SNX4: variants seen among roughly 807,000 people sequenced by gnomAD.
The protein encoded by SNX4 is sorting nexin-4.
In SNX4, 49 loss-of-function variants were observed where a neutral mutation model predicts 70.8. The observed-to-expected ratio is 0.69, with a 90% CI of 0.55 to 0.88. SNX4 has a LOEUF of 0.88. SNX4 is among the 40% of genes least tolerant of loss of function. The pLI is 0.00. For missense variants in SNX4, 528 were observed against 544.8 expected (o/e 0.97, Z 0.31); for synonymous variants, 206 against 183.8 (o/e 1.12, Z -0.98).
intron 8 of SNX4, among the ~76,000 whole-genome samples, chr3:125,473,787 C>A (rs1161580410): frequency 6.6e-6 from 1 of 152,154 alleles, no homozygotes; most frequent in Non-Finnish European, 1.5e-5. Context: ...ACTTTGAATA[C>A]TCCATGTTCC....
At chr3:125,493,899 T>G (rs550120928) in intron 5 of SNX4, among the ~76,000 whole-genome samples, 8 of 151,712 alleles carry the variant, frequency 5.3e-5, no homozygotes, top group African/African-American at 1.9e-4. Context: ...TAGTCAGGCA[T>G]GGTGGTGAGC....
intron 1 of SNX4, among the ~76,000 whole-genome samples, chr3:125,510,837 T>C (rs1935155502): frequency 6.6e-6 from 1 of 152,234 alleles, no homozygotes; most frequent in African/African-American, 2.4e-5. Flanking sequence ...TGGAGGCTGG[T>C]TGTACAATGT....
chr3:125,454,603 C>T (rs986642846), intron 11 of SNX4, among the ~76,000 whole-genome samples: 145 of 152,284 alleles, frequency 9.5e-4, no homozygotes, highest in African/African-American at 3.3e-3. Flanking sequence ...ATAGAAGGGA[C>T]TTAAGCATCT....
intron 1 of SNX4, among the ~76,000 whole-genome samples, chr3:125,508,566 C>CAAA (rs564123552): frequency 7.1e-5 from 7 of 98,382 alleles, no homozygotes; most frequent in South Asian, 3.4e-4. Flanking sequence ...GACTCTGTCT[C>CAAA]AAAAAAAAAA....
intron 2 of SNX4, among the ~76,000 whole-genome samples, chr3:125,504,332 C>CA (rs759738129): frequency 0.05 from 2,959 of 59,728 alleles, 66 homozygotes; most frequent in African/African-American, 0.11. Context: ...GACTCCATCT[C>CA]AAAAAAAAAA....
chr3:125,486,158 C>T (rs1008086042), intron 6 of SNX4, among the ~76,000 whole-genome samples: 3 of 152,094 alleles, frequency 2.0e-5, no homozygotes, highest in Admixed American at 2.0e-4. Flanking sequence ...ATTCTTAATA[C>T]GATGTACCTC....
At chr3:125,501,355 A>G (rs1934928479) in intron 2 of SNX4, among the ~76,000 whole-genome samples, 2 of 152,174 alleles carry the variant, frequency 1.3e-5, no homozygotes, top group Non-Finnish European at 2.9e-5. Context: ...ATTGGCTCAC[A>G]CCTGTAATTC....
rs563458385 is a variant in SNX4 at position 125,463,415 on chromosome 3, G to C, written c.855-2555C>G. ...TGTAGGGAGAAACTGGAACATCCTAGGGTGGGGAAGTATAAATGATAAAGA... is the reference window on the plus strand; with the variant it reads ...TGTAGGGAGAAACTGGAACATCCTACGGTGGGGAAGTATAAATGATAAAGA... On this transcript the variant is annotated intron_variant, in intron 9 of 13. Transcript: ENST00000251775. Among the ~76,000 whole-genome samples the C allele has an allele frequency of 3.3e-5, 5 of 152,136 alleles. No homozygotes were observed. In the East Asian group the frequency reaches 7.7e-4, roughly 24 times the overall value.
intron 5 of SNX4, among the ~76,000 whole-genome samples, chr3:125,491,767 T>C (rs1385620305): frequency 1.3e-5 from 2 of 152,174 alleles, no homozygotes; most frequent in Admixed American, 1.3e-4. Context: ...AAAACAGCAT[T>C]ATCTGAAATC....
At chr3:125,510,650 G>A (rs1157031072) in intron 1 of SNX4, among the ~76,000 whole-genome samples, 1 of 152,186 alleles carries the variant, frequency 6.6e-6, no homozygotes, top group Non-Finnish European at 1.5e-5. Flanking sequence ...ATTATGATAA[G>A]TGAAATAAAA....
intron 2 of SNX4, among the ~76,000 whole-genome samples, chr3:125,499,762 TAAA>T (rs372624115): frequency 1.3e-4 from 18 of 134,722 alleles, no homozygotes; most frequent in South Asian, 2.3e-4. Context: ...CATAAGTGTT[TAAA>T]AAAAAAAAAA....
chr3:125,481,466 GA>G (rs943068972), intron 6 of SNX4, among the ~76,000 whole-genome samples: 3 of 79,452 alleles, frequency 3.8e-5, no homozygotes, highest in African/African-American at 1.3e-4. Context: ...TTTTTTTTTT[GA>G]GACAGAGTTT....
rs542725967 is a variant in SNX4, at chr3:125,480,452, C to T, written c.654-133G>A. 60 of 390,412 alleles carry T rather than the reference C, an allele frequency of 1.5e-4. No homozygotes were observed. The South Asian group carries it at 6.0e-3, about 39-fold the overall frequency. 24.2% of individuals were successfully genotyped at this position (390,412 alleles called of 1,614,324 possible). A position where few individuals can be genotyped will look rare whatever the true frequency, so the allele number is the denominator to read the frequency against. Reference sequence around the variant, plus strand: ...ACCATATGCTGGCCTTAAACATTTACACACCAATATAAATCCAAAAAACTC... The same window carrying T: ...ACCATATGCTGGCCTTAAACATTTATACACCAATATAAATCCAAAAAACTC... On this transcript the variant is annotated intron_variant, in intron 6 of 13. Coordinates refer to ENST00000251775, the MANE Select transcript of SNX4 (RefSeq NM_003794.4).
chr3:125,486,957 A>G (rs1041369896), intron 6 of SNX4, among the ~76,000 whole-genome samples: 1 of 152,174 alleles, frequency 6.6e-6, no homozygotes, highest in African/African-American at 2.4e-5. Context: ...AAGCATTTAC[A>G]GAGTACCTAA....
intron 9 of SNX4, among the ~76,000 whole-genome samples, chr3:125,465,202 A>ATACC (rs1215416760): frequency 1.3e-5 from 2 of 151,878 alleles, no homozygotes; most frequent in Non-Finnish European, 2.9e-5. Context: ...CTTTATGCCA[A>ATACC]TACCTCACTA....
At chr3:125,519,262 C>T (rs1053967749) in intron 1 of SNX4, among the ~76,000 whole-genome samples, 2 of 152,096 alleles carry the variant, frequency 1.3e-5, no homozygotes, top group Non-Finnish European at 2.9e-5. Flanking sequence ...TATGCAAACA[C>T]TTTGTAATGA....
chr3:125,450,869 G>C (rs1933553053), intron 13 of SNX4, among the ~76,000 whole-genome samples: 1 of 152,124 alleles, frequency 6.6e-6, no homozygotes, highest in Non-Finnish European at 1.5e-5. Context: ...AGTACCATAT[G>C]ATCTAAATAA....
chr3:125,475,839 A>G (rs560407725), intron 8 of SNX4, among the ~76,000 whole-genome samples: 3 of 152,230 alleles, frequency 2.0e-5, no homozygotes, highest in Non-Finnish European at 2.9e-5. Context: ...GTAGCAGAGC[A>G]TGGTGATGTG....
In SNX4 at chr3:125,497,920, G is replaced by A. The variant is rs767766020; in HGVS notation, c.463C>T (p.Arg155Trp). Reference protein sequence around the residue: ...NMDPDFVERRRIGLENFLLRI... With the variant: ...NMDPDFVERRWIGLENFLLRI... ...AAGAGAAAGTTTTCTAAACCAATCC[G>A]TCGCCTCTCCACAAAATCTGGATCC... Residue 155 changes from arginine (R) to tryptophan (W), a missense_variant, in exon 4 of 14, where the codon CGG (arginine) becomes TGG (tryptophan). Physicochemically the swap from Arg to Trp is moderately radical, Grantham distance 101 (BLOSUM62 -3). Around this residue, in one of 3 missense-constraint regions of SNX4, gnomAD observed 341 missense variants for 312.2 expected, o/e 1.09. Coordinates refer to ENST00000251775, the MANE Select transcript of SNX4 (RefSeq NM_003794.4). 6 of 1,614,122 alleles carry A rather than the reference G, an allele frequency of 3.7e-6. No homozygotes were observed. Among genetic ancestry groups the A allele is most frequent in the Non-Finnish European group, 5.1e-6 (6 of 1,180,006 alleles).
Sources: gnomAD v4.1 joint callset for allele counts (sites outside exome capture counted in the v4.1 genomes callset) on GRCh38, gnomAD v4.1.1 for gene constraint, gnomAD v4.1.1 regional missense constraint, MANE v1.5 for transcripts, NCBI Gene and HGNC (gene_info 2026-07-23, HGNC 2026-07-21) for gene names.